Variants in PTGES observed in about 807,000 individuals in gnomAD.
The protein encoded by PTGES is prostaglandin E synthase.
Under a neutral mutation model 11.8 loss-of-function variants are expected in PTGES, and 3 were observed. That is an observed-to-expected ratio of 0.25 (90% CI 0.12 to 0.66). PTGES has a LOEUF of 0.66. PTGES is among the 30% of genes least tolerant of loss of function. PTGES has a pLI of 0.82. For synonymous variants in PTGES, 94 were observed against 90.4 expected (o/e 1.04, Z -0.22); for missense variants, 180 against 213.0 (o/e 0.85, Z 0.96).
Position 129,739,261 on chromosome 9 carries a change from A to ATT in PTGES, c.*349_*350insAA. Reference sequence around the variant, plus strand: ...ATCATTAGGTTTGGGAATCTTAAATAGAGTCTCCCTTCTCTCTTTTCACTG... The same window carrying ATT: ...ATCATTAGGTTTGGGAATCTTAAATATTGAGTCTCCCTTCTCTCTTTTCACTG... On this transcript the variant is annotated 3_prime_UTR_variant, in exon 3 of 3. Transcript: ENST00000340607. This position sits in a 1 kb window ranked among gnomAD's most constrained non-coding sequence, Gnocchi z 5.7. 1 of 222,078 alleles carries ATT rather than the reference A, an allele frequency of 4.5e-6. No homozygotes were observed. Among genetic ancestry groups the ATT allele is most frequent in the Non-Finnish European group, 8.9e-6 (1 of 112,018 alleles). 13.8% of individuals were successfully genotyped at this position (222,078 alleles called of 1,614,324 possible).
chr9:129,744,097 C>T (rs1833026932), intron 2 of PTGES, among the ~76,000 whole-genome samples: 1 of 152,194 alleles, frequency 6.6e-6, no homozygotes, highest in African/African-American at 2.4e-5. Context: ...GATCTACCCG[C>T]CTCAGCCTCC....
intron 1 of PTGES, among the ~76,000 whole-genome samples, chr9:129,750,403 C>A (rs183481969): frequency 7.3e-4 from 111 of 152,286 alleles, no homozygotes; most frequent in African/African-American, 2.1e-3. Context: ...CTCTGCTGGC[C>A]CTGAAATCAG....
At chr9:129,741,171 G>A (rs757436533) in intron 2 of PTGES, among the ~76,000 whole-genome samples, 1 of 152,214 alleles carries the variant, frequency 6.6e-6, no homozygotes, top group Non-Finnish European at 1.5e-5. Context: ...AAGCCTGAAT[G>A]ATGAGAAGCT....
chr9:129,747,263 T>C (rs914226361), intron 2 of PTGES, among the ~76,000 whole-genome samples: 3 of 152,142 alleles, frequency 2.0e-5, no homozygotes, highest in African/African-American at 7.2e-5. Context: ...TAAAAGAAAA[T>C]CAGAACTCCA....
chr9:129,749,141 C>T (rs139451249), intron 1 of PTGES, among the ~76,000 whole-genome samples: 1 of 152,340 alleles, frequency 6.6e-6, no homozygotes, highest in Admixed American at 6.5e-5. Context: ...CCAGTAATCC[C>T]AGCACTTCGG....
In PTGES at chr9:129,739,737, C is replaced by T; in HGVS notation, c.333G>A (p.Val111=). 6.3e-7 allele frequency: 1 copy of T among 1,580,992 alleles called. No individual in the cohort carries two copies. Among genetic ancestry groups the T allele is most frequent in the East Asian group, 2.3e-5 (1 of 43,206 alleles). The part of the protein sequence containing the change: ...MHFLVFLVGR[V]AHTVAYLGKL... ...TCCCCAGGTAGGCCACGGTGTGTGC[C>T]ACACGGCCCACGAGGAAGACCAGGA... is the stretch of plus-strand genomic sequence containing the variant. The change falls in exon 3 of 3, where the codon GTG becomes GTA. Residue 111 remains valine, a synonymous_variant. Coordinates refer to ENST00000340607, the MANE Select transcript of PTGES (RefSeq NM_004878.5). The surrounding 1 kb of genome is among the most constrained non-coding windows in gnomAD (Gnocchi z 5.7).
rs1779806917 is a variant in PTGES, at chr9:129,745,067, T to C, written c.209+3588A>G. 6.6e-6 allele frequency among the ~76,000 whole-genome samples: 1 copy of C among 152,114 alleles called. No homozygotes were observed. Among genetic ancestry groups the C allele is most frequent in the South Asian group, 2.1e-4 (1 of 4,820 alleles). Reference sequence around the variant, plus strand: ...ATGACATCTAAGGGACTTCTAGGGCTGACATTTTGGGACCCAATTTCCTGA... The same window carrying C: ...ATGACATCTAAGGGACTTCTAGGGCCGACATTTTGGGACCCAATTTCCTGA... On this transcript the variant is annotated intron_variant, in intron 2 of 2. Transcript: ENST00000340607. The surrounding 1 kb of genome is among the most constrained non-coding windows in gnomAD (Gnocchi z 4.2).
intron 2 of PTGES, among the ~76,000 whole-genome samples, chr9:129,743,854 A>G (rs983354806): frequency 2.0e-5 from 3 of 152,078 alleles, no homozygotes; most frequent in Non-Finnish European, 4.4e-5. Flanking sequence ...CTGAGTAGGA[A>G]GATCTTTTTT....
chr9:129,750,085 G>T (rs995635823), intron 1 of PTGES, among the ~76,000 whole-genome samples: 4 of 152,320 alleles, frequency 2.6e-5, no homozygotes, highest in Admixed American at 6.5e-5. Context: ...GGTGCTCAGT[G>T]AATTGTCACT....
chr9:129,750,784 G>C (rs1246418481), intron 1 of PTGES, among the ~76,000 whole-genome samples: 1 of 152,196 alleles, frequency 6.6e-6, no homozygotes, highest in Non-Finnish European at 1.5e-5. Context: ...TGAGGACACT[G>C]AGCTCCCAGA....
At chr9:129,747,635 A>T (rs2130953594) in intron 2 of PTGES, among the ~76,000 whole-genome samples, 1 of 152,342 alleles carries the variant, frequency 6.6e-6, no homozygotes, top group South Asian at 2.1e-4. Context: ...AGGGATGGAA[A>T]AATGGCTCCC....
At chr9:129,750,203 G>A (rs1187097485) in intron 1 of PTGES, among the ~76,000 whole-genome samples, 1 of 152,152 alleles carries the variant, frequency 6.6e-6, no homozygotes, top group Non-Finnish European at 1.5e-5. Flanking sequence ...ACCCCACCAG[G>A]CCCACAGCAG....
intron 1 of PTGES, chr9:129,749,521 C>G (rs1359102163): frequency 6.6e-6 from 1 of 152,132 alleles, no homozygotes; most frequent in Non-Finnish European, 1.5e-5. Flanking sequence ...TGATACACAC[C>G]TGTGGTCCCA....
intron 2 of PTGES, among the ~76,000 whole-genome samples, chr9:129,741,819 C>T (rs1192493624): frequency 1.3e-5 from 2 of 151,888 alleles, no homozygotes; most frequent in Non-Finnish European, 2.9e-5. Context: ...GCAGGAGAAT[C>T]ACCTGAACCG....
chr9:129,741,039 G>A (rs1025899656), intron 2 of PTGES, among the ~76,000 whole-genome samples: 1 of 152,208 alleles, frequency 6.6e-6, no homozygotes, highest in African/African-American at 2.4e-5. Context: ...GGGCCAGTGC[G>A]ATGGTGTGTG....
chr9:129,748,357 G>C (rs1833067970), intron 2 of PTGES, among the ~76,000 whole-genome samples: 1 of 152,198 alleles, frequency 6.6e-6, no homozygotes, highest in South Asian at 2.1e-4. Context: ...ATTGGCAGGA[G>C]TGTTTGCCCC....
chr9:129,746,759 G>T lies in PTGES; in HGVS notation c.209+1896C>A, dbSNP rs549749586. Among the ~76,000 whole-genome samples, 37 of 152,280 alleles carry T rather than the reference G, an allele frequency of 2.4e-4. No individual in the cohort carries two copies. The South Asian group carries it at 7.3e-3, about 30-fold the overall frequency. On this transcript the variant is annotated intron_variant, in intron 2 of 2. Coordinates refer to ENST00000340607, the MANE Select transcript of PTGES (RefSeq NM_004878.5). ...CCCCACTTCCCCTTCAAGCTCTTCC[G>T]ATGACCCCAACCCCTGGAGTGCCAT...
At position 129,745,313 on chromosome 9, in the gene PTGES, AT is replaced by A. The variant is rs1431232112; in HGVS notation, c.209+3341del. On this transcript the variant is annotated intron_variant, in intron 2 of 2. Coordinates refer to ENST00000340607, the MANE Select transcript of PTGES (RefSeq NM_004878.5). This position sits in a 1 kb window ranked among gnomAD's most constrained non-coding sequence, Gnocchi z 4.2. ...TGGCTTCTCCCAGAACTAGGCTCAC[AT>A]TTGGACTGCAGCATGTGCTAACCTG... Among the ~76,000 whole-genome samples the A allele has an allele frequency of 6.6e-6, 1 of 152,208 alleles. No homozygotes were observed. Among genetic ancestry groups the A allele is most frequent in the Admixed American group, 6.5e-5 (1 of 15,270 alleles).
chr9:129,740,172 T>G (rs1214355155), intron 2 of PTGES, among the ~76,000 whole-genome samples: 1 of 151,868 alleles, frequency 6.6e-6, no homozygotes, highest in African/African-American at 2.4e-5. Context: ...CCTGCCATAC[T>G]CTCCCCCACC....
Sources: gnomAD v4.1 joint callset for allele counts (sites outside exome capture counted in the v4.1 genomes callset) on GRCh38, gnomAD v4.1.1 for gene constraint, Gnocchi (gnomAD v3.1) non-coding constraint, MANE v1.5 for transcripts, NCBI Gene and HGNC (gene_info 2026-07-23, HGNC 2026-07-21) for gene names.